COG5: variants seen among roughly 807,000 people sequenced by gnomAD.
The protein encoded by COG5 is conserved oligomeric Golgi complex subunit 5.
In COG5, 86 loss-of-function variants were observed where a neutral mutation model predicts 110.4. The observed-to-expected ratio is 0.78, with a 90% CI of 0.65 to 0.93. The LOEUF (loss-of-function observed/expected upper bound fraction) is 0.93, where lower values mean the gene tolerates loss of function less well. COG5 is among the 40% of genes least tolerant of loss of function. The pLI is 0.00. For missense variants in COG5, 1,077 were observed against 987.0 expected (o/e 1.09, Z -1.22); for synonymous variants, 360 against 334.6 (o/e 1.08, Z -0.83).
chr7:107,363,919 C>T (rs1813359653), intron 8 of COG5, among the ~76,000 whole-genome samples: 1 of 150,912 alleles, frequency 6.6e-6, no homozygotes, highest in Admixed American at 6.6e-5. Context: ...CGTACCATTG[C>T]ACTCCAGCCT....
chr7:107,473,975 C>T (rs1796812712), intron 6 of COG5: 4 of 606,204 alleles, frequency 6.6e-6, no homozygotes, highest in Non-Finnish European at 5.6e-6. Context: ...TTACAAAGAA[C>T]ACGTTATACG....
intron 8 of COG5, among the ~76,000 whole-genome samples, chr7:107,367,497 T>C (rs1056367695): frequency 1.3e-5 from 2 of 152,012 alleles, no homozygotes; most frequent in East Asian, 1.9e-4. Context: ...TAACTCACAA[T>C]TGCAAAGACA....
rs371092776 is a variant in COG5, at chr7:107,391,282, A to G, written c.670-18522T>C. Among the ~76,000 whole-genome samples the G allele has an allele frequency of 4.5e-4, 68 of 152,250 alleles. 1 individual carries two copies. The highest frequency in any genetic ancestry group is 1.6e-3 in the African/African-American group (65 of 41,540). ...GACCCTCAGCAGACTGAAAAGCATA[A>G]TATCTGTGTCAGTGTACATTATTTA... On this transcript the variant is annotated intron_variant, in intron 7 of 21. Coordinates refer to ENST00000297135, the MANE Select transcript of COG5 (RefSeq NM_006348.5).
chr7:107,215,528 G>C (rs973035397), intron 19 of COG5, among the ~76,000 whole-genome samples: 3 of 151,776 alleles, frequency 2.0e-5, no homozygotes, highest in Admixed American at 1.3e-4. Context: ...GCTGGGTGTG[G>C]TGGCGGGCAC....
At chr7:107,242,701 C>A (rs940230581) in intron 17 of COG5, among the ~76,000 whole-genome samples, 4 of 152,220 alleles carry the variant, frequency 2.6e-5, no homozygotes, top group African/African-American at 9.6e-5. Context: ...TCCCACAGGT[C>A]CCCCTGCCTC....
intron 6 of COG5, among the ~76,000 whole-genome samples, chr7:107,467,648 G>A (rs979331566): frequency 4.6e-5 from 7 of 151,966 alleles, no homozygotes; most frequent in Non-Finnish European, 8.8e-5. Flanking sequence ...CACTGCACCC[G>A]GTCTGTAATT....
intron 10 of COG5, among the ~76,000 whole-genome samples, chr7:107,361,553 T>A (rs1813115892): frequency 1.3e-5 from 2 of 152,114 alleles, no homozygotes; most frequent in South Asian, 4.2e-4. Flanking sequence ...TATGATTACA[T>A]TTATTTTAGT....
At chr7:107,318,370 G>A (rs868014959) in intron 11 of COG5, among the ~76,000 whole-genome samples, 5 of 151,962 alleles carry the variant, frequency 3.3e-5, no homozygotes, top group South Asian at 2.1e-4. Context: ...ATTGAGAGAC[G>A]AAATATTCAA....
chr7:107,340,505 G>A (rs1164192207), intron 10 of COG5, among the ~76,000 whole-genome samples: 1 of 151,980 alleles, frequency 6.6e-6, no homozygotes, highest in Non-Finnish European at 1.5e-5. Flanking sequence ...AAAAAAAATT[G>A]AGGGACTCCT....
At chr7:107,516,223 G>A (rs899081433) in intron 6 of COG5, among the ~76,000 whole-genome samples, 2 of 151,948 alleles carry the variant, frequency 1.3e-5, no homozygotes, top group African/African-American at 4.8e-5. Context: ...TTTCCCTAAT[G>A]CCTAACGATG....
At position 107,405,967 on chromosome 7, in the gene COG5, C is replaced by T. The variant is rs185367184; in HGVS notation, c.669+6535G>A. Among the ~76,000 whole-genome samples the T allele has an allele frequency of 4.5e-3, 684 of 152,258 alleles. 17 individuals are homozygous for T. The highest frequency in any genetic ancestry group is 5.7e-4 in the Non-Finnish European group (39 of 68,002). ...CTGGCACCTCCAGCCTTCAGACTTC[C>T]CCAGCCTCCAGAACTGTGAAAAATA... On this transcript the variant is annotated intron_variant, in intron 7 of 21. Coordinates refer to ENST00000297135, the MANE Select transcript of COG5 (RefSeq NM_006348.5).
intron 7 of COG5, among the ~76,000 whole-genome samples, chr7:107,410,885 C>A (rs77451746): frequency 1.8e-4 from 27 of 152,124 alleles, no homozygotes; most frequent in South Asian, 6.2e-4. Context: ...CAATATTCAA[C>A]GTTGATAAGG....
At chr7:107,472,223 A>C (rs1299573266) in intron 6 of COG5, 1 of 152,032 alleles carries the variant, frequency 6.6e-6, no homozygotes, top group Non-Finnish European at 1.5e-5. Context: ...CTCATAATGC[A>C]TGCAGTTGAA....
At chr7:107,517,866 T>G (rs1344829516) in intron 6 of COG5, among the ~76,000 whole-genome samples, 2 of 151,896 alleles carry the variant, frequency 1.3e-5, no homozygotes, top group Non-Finnish European at 2.9e-5. Context: ...CCTGGCTAAT[T>G]TTTCTATTTT....
intron 6 of COG5, among the ~76,000 whole-genome samples, chr7:107,520,752 T>C (rs1382660594): frequency 6.6e-6 from 1 of 152,206 alleles, no homozygotes; most frequent in Non-Finnish European, 1.5e-5. Flanking sequence ...GCTATTCCTA[T>C]CAAACTACCA....
rs761862013 is a variant in COG5, at chr7:107,527,231, AC to A, written c.538+5del. 5.7e-5 allele frequency: 87 copies of A among 1,537,954 alleles called. No homozygotes were observed. The highest frequency in any genetic ancestry group is 5.1e-4 in the Middle Eastern group (3 of 5,896). On this transcript the variant is annotated splice_donor_5th_base_variant and intron_variant, in intron 6 of 21. Transcript: ENST00000297135. ...ACTTTTTATTTAAAAAAAAAAAAAA[AC>A]TTACCAAGTTCATTGAGACTCTGAG... is the stretch of plus-strand genomic sequence containing the variant.
chr7:107,465,601 G>A (rs1796247762), intron 6 of COG5, among the ~76,000 whole-genome samples: 1 of 152,126 alleles, frequency 6.6e-6, no homozygotes, highest in African/African-American at 2.4e-5. Flanking sequence ...CCCCTAAACA[G>A]AGATCAGAAG....
At chr7:107,368,377 A>G (rs1369202000) in intron 8 of COG5, among the ~76,000 whole-genome samples, 1 of 152,142 alleles carries the variant, frequency 6.6e-6, no homozygotes, top group Non-Finnish European at 1.5e-5. Flanking sequence ...TATGAATGAT[A>G]AAACTATAAA....
chr7:107,558,197 T>A (rs1041269523), intron 1 of COG5, 82 bp from the exon 2 acceptor site: 11 of 1,397,936 alleles, frequency 7.9e-6, no homozygotes, highest in Non-Finnish European at 1.0e-5. Context: ...ATTATAATCA[T>A]AATTAACATA....
Sources: gnomAD v4.1 joint callset for allele counts (sites outside exome capture counted in the v4.1 genomes callset) on GRCh38, gnomAD v4.1.1 for gene constraint, MANE v1.5 for transcripts, NCBI Gene and HGNC (gene_info 2026-07-23, HGNC 2026-07-21) for gene names.